Variants in KCNV2 observed in about 807,000 individuals in gnomAD.
KCNV2 encodes the protein potassium voltage-gated channel subfamily V member 2.
Under a neutral mutation model 37.0 loss-of-function variants are expected in KCNV2, and 65 were observed. The ratio of observed to expected loss-of-function variants is 1.76; its 90% confidence interval spans 1.44 to 2.16. KCNV2 has a LOEUF of 2.16. Among genes scored for constraint, KCNV2 ranks in the 30% most tolerant of loss-of-function variants. KCNV2 has a pLI of 0.00. For missense variants in KCNV2, 1,232 were observed against 766.7 expected, an observed-to-expected ratio of 1.61 and a Z score of -7.17; for synonymous variants, 518 against 328.6, an observed-to-expected ratio of 1.58 and a Z score of -6.23.
At chr9:2,723,961 T>C (rs1037574332) in intron 1 of KCNV2, among the ~76,000 whole-genome samples, 2 of 150,292 alleles carry the variant, frequency 1.3e-5, no homozygotes, top group African/African-American at 4.9e-5. Context: ...TTTTTTCTTT[T>C]ACTTTTTTTT....
In KCNV2 at chr9:2,718,395, A is replaced by G. The variant is rs778833627; in HGVS notation, c.656A>G (p.Glu219Gly). The G allele has an allele frequency of 1.3e-5, 21 of 1,601,780 alleles. No homozygotes were observed. The highest frequency in any genetic ancestry group is 1.8e-5 in the Non-Finnish European group (21 of 1,175,396). The change falls in exon 1 of 2, where the codon GAG becomes GGG. Residue 219 changes from glutamate to glycine, a missense_variant. Transcript: ENST00000382082. ...ELSERLKIQH[E>G]LRAQAQVEEA... ...AGCGAACGGCTCAAGATCCAGCACGAGCTGCGCGCGCAGGCGCAGGTCGAG... is the reference window on the plus strand; with the variant it reads ...AGCGAACGGCTCAAGATCCAGCACGGGCTGCGCGCGCAGGCGCAGGTCGAG...
intron 1 of KCNV2, among the ~76,000 whole-genome samples, chr9:2,729,003 C>G (rs1025864890): frequency 6.6e-6 from 1 of 152,066 alleles, no homozygotes; most frequent in Non-Finnish European, 1.5e-5. Flanking sequence ...GTTCTAAGCC[C>G]AAGATTTTTC....
intron 1 of KCNV2, among the ~76,000 whole-genome samples, chr9:2,724,025 G>A (rs1195778060): frequency 8.2e-5 from 12 of 146,056 alleles, no homozygotes; most frequent in East Asian, 5.9e-4. Flanking sequence ...TTTTTTTGCC[G>A]GGGGTTGGGG....
Position 2,719,009 on chromosome 9 carries a change from A to G in KCNV2, c.1270A>G (p.Thr424Ala). 6.2e-7 allele frequency: 1 copy of G among 1,612,730 alleles called. No homozygotes were observed. Among genetic ancestry groups the G allele is most frequent in the Non-Finnish European group, 8.5e-7 (1 of 1,180,012 alleles). Residue 424 changes from threonine (T) to alanine (A), a missense_variant, in exon 1 of 2, where the codon ACT becomes GCT. By Grantham distance (58) the Thr-to-Ala change is moderately conservative. Coordinates refer to ENST00000382082, the MANE Select transcript of KCNV2 (RefSeq NM_133497.4). ...LLLFIAMGIF[T>A]FSAAVYSVEH... ...GCTCTTCATCGCCATGGGCATCTTC[A>G]CTTTCTCTGCGGCTGTCTACTCTGT...
chr9:2,728,907 AAAAG>A (rs375730242), intron 1 of KCNV2, among the ~76,000 whole-genome samples: 33 of 148,890 alleles, frequency 2.2e-4, no homozygotes, highest in African/African-American at 7.3e-4. Context: ...GAAAAAAAGA[AAAAG>A]AGAGAGAGAG....
intron 1 of KCNV2, among the ~76,000 whole-genome samples, chr9:2,719,440 G>A (rs1819821524): frequency 6.6e-6 from 1 of 151,940 alleles, no homozygotes; most frequent in Admixed American, 6.6e-5. Flanking sequence ...TCTCATTGTG[G>A]CATCACAGCC....
Position 2,717,683 on chromosome 9 carries a change from G to C in KCNV2, c.-57G>C, listed in dbSNP as rs982524138. The C allele has an allele frequency of 6.2e-7, 1 of 1,611,426 alleles. No homozygotes were observed. The highest frequency in any genetic ancestry group is 1.3e-5 in the African/African-American group (1 of 74,892). ...CCATCCTCCTAGAGGCAGTGAGCAG[G>C]TGAGGGACCCCTACCACAGCCAGGA... On this transcript the variant is annotated 5_prime_UTR_variant, in exon 1 of 2. Transcript: ENST00000382082.
intron 1 of KCNV2, among the ~76,000 whole-genome samples, chr9:2,727,478 C>A (rs971845439): frequency 1.2e-4 from 18 of 152,248 alleles, no homozygotes; most frequent in Admixed American, 2.0e-4. Context: ...GAGATTAACC[C>A]ACAATCTCAC....
chr9:2,726,909 T>C (rs1012482342), intron 1 of KCNV2, among the ~76,000 whole-genome samples: 2 of 152,148 alleles, frequency 1.3e-5, no homozygotes, highest in African/African-American at 4.8e-5. Flanking sequence ...TATGAGAATC[T>C]AACTAATACC....
rs781116632 is a variant in KCNV2, at chr9:2,718,754, G to C, written c.1015G>C (p.Asp339His). The change falls in exon 1 of 2, where the codon GAC becomes CAC. Residue 339 changes from aspartate (D) to histidine (H), a missense_variant. Transcript: ENST00000382082. The part of the protein sequence containing the change: ...RFARSALNLV[D>H]LVAILPLYLQ... Reference sequence around the variant, plus strand: ...CGCGCGCAGCGCCCTCAACCTGGTGGACCTGGTGGCCATCCTGCCGCTCTA... The same window carrying C: ...CGCGCGCAGCGCCCTCAACCTGGTGCACCTGGTGGCCATCCTGCCGCTCTA... 1 of 1,611,676 alleles carries C rather than the reference G, an allele frequency of 6.2e-7. No homozygotes were observed. Among genetic ancestry groups the C allele is most frequent in the Non-Finnish European group, 8.5e-7 (1 of 1,179,796 alleles).
At position 2,719,110 on chromosome 9, in the gene KCNV2, C is replaced by T. The variant is rs201201478; in HGVS notation, c.1356+15C>T. On this transcript the variant is annotated intron_variant, in intron 1 of 1. Coordinates refer to ENST00000382082, the MANE Select transcript of KCNV2 (RefSeq NM_133497.4). The stretch of plus-strand genomic sequence containing the variant: ...GGTGGGCCGCGGTGAGTACCTTTGC[C>T]CTGGGCTTTCCCATCCTCTTCCCCA... The T allele has an allele frequency of 1.3e-4, 210 of 1,605,122 alleles. No individual in the cohort carries two copies. In the African/African-American group the frequency reaches 2.2e-3, roughly 17 times the overall value.
rs796086240 is a variant in KCNV2, at chr9:2,719,202, T to TC, written c.1356+114dup. Reference sequence around the variant, plus strand: ...AGGCTTTGGCTTCTGATCCTCGTCTTCCCCCCCACCCCCAATCGCCGCATA... The same window carrying TC: ...AGGCTTTGGCTTCTGATCCTCGTCTTCCCCCCCCACCCCCAATCGCCGCATA... On this transcript the variant is annotated intron_variant, in intron 1 of 1. Coordinates refer to ENST00000382082, the MANE Select transcript of KCNV2 (RefSeq NM_133497.4). 210 of 1,250,166 alleles carry TC rather than the reference T, an allele frequency of 1.7e-4. 2 individuals carry two copies. Among genetic ancestry groups the TC allele is most frequent in the African/African-American group, 1.0e-3 (70 of 67,170 alleles). 77.4% of individuals were successfully genotyped at this position (1,250,166 alleles called of 1,614,324 possible).
rs771741178 is a variant in KCNV2, at chr9:2,718,869, G to C, written c.1130G>C (p.Arg377Pro). 6.2e-7 allele frequency: 1 copy of C among 1,608,954 alleles called. No individual in the cohort carries two copies. The highest frequency in any genetic ancestry group is 8.5e-7 in the Non-Finnish European group (1 of 1,179,970). Residue 377 changes from arginine (R) to proline (P), a missense_variant, in exon 1 of 2, where the codon CGC becomes CCC. Physicochemically the swap from Arg to Pro is moderately radical, Grantham distance 103. Transcript: ENST00000382082. ...GSVGKVGQVLRVMRLMRIFRI... is the reference protein window; with the variant it reads ...GSVGKVGQVLPVMRLMRIFRI... Reference sequence around the variant, plus strand: ...GTGGGTAAGGTGGGTCAGGTGTTGCGCGTCATGCGCCTCATGCGCATCTTC... The same window carrying C: ...GTGGGTAAGGTGGGTCAGGTGTTGCCCGTCATGCGCCTCATGCGCATCTTC...
At chr9:2,724,093 C>T (rs1754524804) in intron 1 of KCNV2, among the ~76,000 whole-genome samples, 1 of 151,134 alleles carries the variant, frequency 6.6e-6, no homozygotes, top group Non-Finnish European at 1.5e-5. Flanking sequence ...TTGAATGAAC[C>T]ATTTCCTTCT....
In KCNV2 at chr9:2,718,869, G is replaced by T. The variant is rs771741178; in HGVS notation, c.1130G>T (p.Arg377Leu). 1.2e-6 allele frequency: 2 copies of T among 1,608,954 alleles called. No individual in the cohort carries two copies. The highest frequency in any genetic ancestry group is 2.7e-5 in the African/African-American group (2 of 75,066). Residue 377 changes from arginine to leucine, a missense_variant, in exon 1 of 2, where the codon CGC (arginine) becomes CTC (leucine). Arg to Leu is a moderately radical substitution (Grantham distance 102, BLOSUM62 -2). Transcript: ENST00000382082. ...GTGGGTAAGGTGGGTCAGGTGTTGC[G>T]CGTCATGCGCCTCATGCGCATCTTC... ...GSVGKVGQVLRVMRLMRIFRI... is the reference protein window; with the variant it reads ...GSVGKVGQVLLVMRLMRIFRI...
At position 2,717,966 on chromosome 9, in the gene KCNV2, A is replaced by AGCAG; in HGVS notation, c.233_236dup (p.Glu80ArgfsTer293). 6.2e-7 allele frequency: 1 copy of AGCAG among 1,614,174 alleles called. No individual in the cohort carries two copies. Among genetic ancestry groups the AGCAG allele is most frequent in the South Asian group, 1.1e-5 (1 of 91,086 alleles). ...AAGGACGACCTGGCAGAAGAGGACCAGCAGGCAGGGGAGGTCACCACCGCC... is the reference window on the plus strand; with the variant it reads ...AAGGACGACCTGGCAGAAGAGGACCAGCAGGCAGGCAGGGGAGGTCACCACCGCC... On this transcript the variant is annotated frameshift_variant, in exon 1 of 2. Coordinates refer to ENST00000382082, the MANE Select transcript of KCNV2 (RefSeq NM_133497.4). LOFTEE classifies it high-confidence loss of function.
At position 2,718,107 on chromosome 9, in the gene KCNV2, T is replaced by A; in HGVS notation, c.368T>A (p.Leu123Gln). Residue 123 changes from leucine to glutamine, a missense_variant, in exon 1 of 2, where the codon CTA becomes CAA. Leu to Gln is a moderately radical substitution (Grantham distance 113). Coordinates refer to ENST00000382082, the MANE Select transcript of KCNV2 (RefSeq NM_133497.4). ...CELAGFPKTR[L>Q]GRLATSTSRS... ...CTGGCCGGCTTCCCCAAGACGCGCCTAGGTCGCCTGGCCACCTCCACCAGC... is the reference window on the plus strand; with the variant it reads ...CTGGCCGGCTTCCCCAAGACGCGCCAAGGTCGCCTGGCCACCTCCACCAGC... 1 of 1,600,722 alleles carries A rather than the reference T, an allele frequency of 6.2e-7. No homozygotes were observed. Among genetic ancestry groups the A allele is most frequent in the Non-Finnish European group, 8.5e-7 (1 of 1,173,860 alleles).
At chr9:2,719,169 C>A (rs1285609002) in intron 1 of KCNV2, 74 bp downstream of exon 1, 1 of 1,542,468 alleles carries the variant, frequency 6.5e-7, no homozygotes, top group Non-Finnish European at 8.8e-7. Context: ...CCCTGGTTAT[C>A]AGCCACCAGG....
intron 1 of KCNV2, among the ~76,000 whole-genome samples, chr9:2,727,998 G>A (rs1819994953): frequency 6.6e-6 from 1 of 152,132 alleles, no homozygotes; most frequent in Non-Finnish European, 1.5e-5. Flanking sequence ...ACAAGAGACA[G>A]GGCAGTGAGT....
Sources: allele counts gnomAD v4.1 joint callset (sites outside exome capture counted in the v4.1 genomes callset), GRCh38; gene constraint gnomAD v4.1.1; transcripts MANE v1.5; gene names NCBI Gene and HGNC (gene_info 2026-07-23, HGNC 2026-07-21).